Variants in SEMA3A observed in about 807,000 individuals in gnomAD.
SEMA3A encodes the protein semaphorin-3A.
A neutral mutation model predicts 97.9 loss-of-function variants in SEMA3A; 29 were observed. The observed-to-expected ratio is 0.30, with a 90% confidence interval of 0.22 to 0.40. The LOEUF (loss-of-function observed/expected upper bound fraction) is 0.40, where lower values mean the gene tolerates loss of function less well. Among genes scored for constraint, SEMA3A ranks in the 10% least tolerant of loss-of-function variants. SEMA3A has a pLI of 1.00. For missense variants in SEMA3A, 763 were observed against 951.3 expected, an observed-to-expected ratio of 0.80 and a Z score of 2.60; for synonymous variants, 321 against 323.7, an observed-to-expected ratio of 0.99 and a Z score of 0.09.
At chr7:84,327,988 G>C (rs1801810027) in intron 2 of SEMA3A, among the ~76,000 whole-genome samples, 1 of 151,962 alleles carries the variant, frequency 6.6e-6, no homozygotes, top group African/African-American at 2.4e-5. Flanking sequence ...ATAATTTATA[G>C]TAGTTCTAAC....
At chr7:84,067,194 G>A (rs1793544577) in intron 4 of SEMA3A, among the ~76,000 whole-genome samples, 1 of 152,128 alleles carries the variant, frequency 6.6e-6, no homozygotes, top group Non-Finnish European at 1.5e-5. Context: ...TTTAATAAAT[G>A]GTGCTGGGAA....
intron 3 of SEMA3A, among the ~76,000 whole-genome samples, chr7:84,257,111 C>T (rs778170502): frequency 2.0e-5 from 3 of 151,932 alleles, no homozygotes; most frequent in Non-Finnish European, 4.4e-5. Context: ...CAAATGGTAA[C>T]AAGGGAATAT....
At chr7:84,410,112 T>G (rs1387331947) in intron 1 of SEMA3A, among the ~76,000 whole-genome samples, 1 of 152,070 alleles carries the variant, frequency 6.6e-6, no homozygotes, top group Non-Finnish European at 1.5e-5. Context: ...TGTTAATTGT[T>G]TTGTTCCTGT....
At chr7:84,300,197 A>G (rs1800975576) in intron 3 of SEMA3A, among the ~76,000 whole-genome samples, 1 of 151,940 alleles carries the variant, frequency 6.6e-6, no homozygotes, top group Non-Finnish European at 1.5e-5. Flanking sequence ...CAATTAAAGA[A>G]GTCAAATATC....
In SEMA3A at chr7:84,443,764, C is replaced by T. The variant is rs9640949; in HGVS notation, c.-246+48696G>A. 1.5e-3 allele frequency among the ~76,000 whole-genome samples: 229 copies of T among 151,944 alleles called. 1 individual carries two copies. In the East Asian group the frequency reaches 0.038, roughly 25 times the overall value. On this transcript the variant is annotated intron_variant, in intron 1 of 3. Transcript: ENST00000424555. ...GTTCTCTGGCCTTCCAGAAAGTCAA[C>T]AAGCAAAATTCCTTGAGCATTGCAA...
chr7:84,353,534 C>T (rs1375219054), intron 2 of SEMA3A, among the ~76,000 whole-genome samples: 1 of 151,646 alleles, frequency 6.6e-6, no homozygotes, highest in East Asian at 1.9e-4. Context: ...TTTCCAGATG[C>T]ATAATCTATT....
intron 3 of SEMA3A, among the ~76,000 whole-genome samples, chr7:84,278,494 C>G (rs1455352459): frequency 6.6e-6 from 1 of 152,028 alleles, no homozygotes; most frequent in Non-Finnish European, 1.5e-5. Context: ...CTGTATTAGA[C>G]CTTTCTTATT....
intron 4 of SEMA3A, among the ~76,000 whole-genome samples, chr7:84,109,051 C>T (rs901882050): frequency 6.6e-6 from 1 of 151,912 alleles, no homozygotes. Flanking sequence ...CTAGAGCTAT[C>T]TTCAGAATAT....
chr7:84,204,806 C>A (rs1465358116), intron 3 of SEMA3A, among the ~76,000 whole-genome samples: 1 of 152,170 alleles, frequency 6.6e-6, no homozygotes, highest in Admixed American at 6.5e-5. Flanking sequence ...ATGACTTAGA[C>A]TAACAAGTAT....
At chr7:84,063,450 T>C (rs2115705709) in intron 4 of SEMA3A, among the ~76,000 whole-genome samples, 1 of 151,400 alleles carries the variant, frequency 6.6e-6, no homozygotes, top group East Asian at 2.0e-4. Context: ...AGAAGAAGGC[T>C]TCAGACGATC....
chr7:84,405,839 T>C (rs979194888), intron 1 of SEMA3A, among the ~76,000 whole-genome samples: 4 of 152,176 alleles, frequency 2.6e-5, no homozygotes, highest in Admixed American at 2.6e-4. Context: ...AAAGATGTTC[T>C]TTGAAACCAA....
chr7:84,052,912 G>T (rs529910376), intron 5 of SEMA3A, among the ~76,000 whole-genome samples: 8 of 151,674 alleles, frequency 5.3e-5, no homozygotes, highest in African/African-American at 1.7e-4. Flanking sequence ...GGTATGTTGT[G>T]TCTTTGTTCT....
At chr7:84,030,478 T>TA (rs1024289145) in intron 6 of SEMA3A, among the ~76,000 whole-genome samples, 4 of 151,656 alleles carry the variant, frequency 2.6e-5, no homozygotes, top group African/African-American at 7.3e-5. Flanking sequence ...CAGCAGGAGC[T>TA]AAAAAAAATT....
intron 1 of SEMA3A, among the ~76,000 whole-genome samples, chr7:84,394,734 G>A (rs997209557): frequency 1.3e-5 from 2 of 152,024 alleles, no homozygotes; most frequent in African/African-American, 2.4e-5. Context: ...AAAATGATAC[G>A]AATAGAATTT....
chr7:84,427,629 G>A (rs1804860941), intron 1 of SEMA3A, among the ~76,000 whole-genome samples: 1 of 109,116 alleles, frequency 9.2e-6, no homozygotes, highest in Non-Finnish European at 1.7e-5. Context: ...CAGCCTGGGA[G>A]ACAGAGTGAG....
chr7:84,050,777 C>G (rs1792593948), intron 5 of SEMA3A, among the ~76,000 whole-genome samples: 1 of 152,176 alleles, frequency 6.6e-6, no homozygotes, highest in Non-Finnish European at 1.5e-5. Context: ...GACATGAAGT[C>G]CTTGCCCATG....
chr7:84,067,298 T>C (rs892444777), intron 4 of SEMA3A, among the ~76,000 whole-genome samples: 10 of 152,014 alleles, frequency 6.6e-5, no homozygotes, highest in African/African-American at 2.2e-4. Context: ...CTTAAACGTT[T>C]GACCTAAAAC....
chr7:84,227,404 A>G (rs1290800221), intron 3 of SEMA3A, among the ~76,000 whole-genome samples: 1 of 151,968 alleles, frequency 6.6e-6, no homozygotes, highest in Non-Finnish European at 1.5e-5. Flanking sequence ...AAAACTAAAA[A>G]TACATTTTTT....
chr7:84,379,289 T>G (rs1194141893), intron 1 of SEMA3A, among the ~76,000 whole-genome samples: 4 of 152,190 alleles, frequency 2.6e-5, no homozygotes, highest in Non-Finnish European at 5.9e-5. Flanking sequence ...TTAAGTTTTT[T>G]CACAATTTTA....
Sources: gnomAD v4.1 joint callset for allele counts (sites outside exome capture counted in the v4.1 genomes callset) on GRCh38, gnomAD v4.1.1 for gene constraint, MANE v1.5 for transcripts, NCBI Gene and HGNC (gene_info 2026-07-23, HGNC 2026-07-21) for gene names.